Variants in HS3ST4 observed in about 807,000 individuals in gnomAD.
HS3ST4 encodes heparan sulfate-glucosamine 3-sulfotransferase 4, also known as heparan sulfate glucosamine 3-O-sulfotransferase 4.
HS3ST4 carries 17 observed loss-of-function variants against 29.2 expected under a neutral mutation model. The ratio of observed to expected loss-of-function variants is 0.58; its 90% CI spans 0.40 to 0.87. The LOEUF is 0.87. HS3ST4 is among the 40% of genes least tolerant of loss of function. HS3ST4 has a pLI of 0.00. For missense variants in HS3ST4, 627 were observed against 634.5 expected, an observed-to-expected ratio of 0.99 and a Z score of 0.13; for synonymous variants, 314 against 285.7, an observed-to-expected ratio of 1.10 and a Z score of -1.00.
rs2141806740 is a variant in HS3ST4, at chr16:26,116,355, C to T, written c.735-19257C>T. Reference sequence around the variant, plus strand: ...AAGTGGTGCAATTACGTTGTATTACCATTGCCAAGTTCTGTTGATTCAAAG... The same window carrying T: ...AAGTGGTGCAATTACGTTGTATTACTATTGCCAAGTTCTGTTGATTCAAAG... On this transcript the variant is annotated intron_variant, in intron 1 of 1. Transcript: ENST00000331351. Among the ~76,000 whole-genome samples the T allele has an allele frequency of 2.6e-5, 4 of 152,286 alleles. No homozygotes were observed. The South Asian group carries it at 8.3e-4, about 32-fold the overall frequency.
intron 1 of HS3ST4, among the ~76,000 whole-genome samples, chr16:25,857,949 TTTC>T (rs1262603541): frequency 6.2e-4 from 34 of 54,904 alleles, no homozygotes; most frequent in African/African-American, 3.5e-3. Context: ...TCTTTCTTTC[TTTC>T]TTTCTTTCTT....
chr16:26,063,834 A>G (rs2141772380), intron 1 of HS3ST4, among the ~76,000 whole-genome samples: 1 of 152,286 alleles, frequency 6.6e-6, no homozygotes. Context: ...TGGGCCGGGG[A>G]CACAGAATGT....
At chr16:25,699,026 T>C (rs1454445343) in intron 1 of HS3ST4, among the ~76,000 whole-genome samples, 1 of 152,242 alleles carries the variant, frequency 6.6e-6, no homozygotes, top group African/African-American at 2.4e-5. Context: ...GGTTTTGATT[T>C]GAAATCTTTT....
At chr16:26,109,501 GT>G (rs758845338) in intron 1 of HS3ST4, among the ~76,000 whole-genome samples, 27 of 151,600 alleles carry the variant, frequency 1.8e-4, no homozygotes, top group Non-Finnish European at 3.8e-4. Flanking sequence ...TTCCCTGACA[GT>G]GTATCAAGGA....
At chr16:26,049,181 T>C (rs899813209) in intron 1 of HS3ST4, among the ~76,000 whole-genome samples, 26 of 151,884 alleles carry the variant, frequency 1.7e-4, no homozygotes, top group African/African-American at 6.3e-4. Flanking sequence ...AAAAAGTGAG[T>C]TAAAGAAAAT....
intron 1 of HS3ST4, among the ~76,000 whole-genome samples, chr16:25,830,441 C>T (rs1967283065): frequency 6.6e-6 from 1 of 152,172 alleles, no homozygotes; most frequent in Non-Finnish European, 1.5e-5. Flanking sequence ...AGGTTCTCTC[C>T]TCTGCAGGGG....
intron 1 of HS3ST4, among the ~76,000 whole-genome samples, chr16:25,858,329 A>G (rs1456121554): frequency 6.6e-6 from 1 of 152,192 alleles, no homozygotes; most frequent in African/African-American, 2.4e-5. Flanking sequence ...ATCAGAATAC[A>G]CATGCATGTA....
Position 26,136,205 on chromosome 16 carries a change from C to T in HS3ST4, c.1328C>T (p.Thr443Ile). The stretch of plus-strand genomic sequence containing the variant: ...TTCAACTTGATGTTTTACCAAATGA[C>T]TGGTCAAGATTTTCAGTGGGAACAG... Reference protein sequence around the residue: ...KPFNLMFYQMTGQDFQWEQEE... With the variant: ...KPFNLMFYQMIGQDFQWEQEE... Residue 443 changes from threonine to isoleucine, a missense_variant, in exon 2 of 2, where the codon ACT (threonine) becomes ATT (isoleucine). Thr to Ile is a moderately conservative substitution (Grantham distance 89, BLOSUM62 -1). This residue lies in a region of HS3ST4 where 225 missense variants were observed against 293.7 expected (regional missense o/e 0.77). Transcript: ENST00000331351. 2 of 1,613,290 alleles carry T rather than the reference C, an allele frequency of 1.2e-6. No homozygotes were observed. Among genetic ancestry groups the T allele is most frequent in the Non-Finnish European group, 1.7e-6 (2 of 1,179,680 alleles).
At chr16:25,994,461 T>C (rs1275133313) in intron 1 of HS3ST4, among the ~76,000 whole-genome samples, 1 of 152,182 alleles carries the variant, frequency 6.6e-6, no homozygotes, top group Non-Finnish European at 1.5e-5. Flanking sequence ...GAGCACATAA[T>C]ATATACTGTT....
intron 1 of HS3ST4, among the ~76,000 whole-genome samples, chr16:25,955,969 C>T (rs1324622837): frequency 2.6e-5 from 4 of 151,998 alleles, no homozygotes; most frequent in African/African-American, 9.7e-5. Context: ...TGCCTACCAC[C>T]ATGCCTGGCT....
chr16:25,800,893 T>C (rs758554729), intron 1 of HS3ST4, among the ~76,000 whole-genome samples: 2 of 152,158 alleles, frequency 1.3e-5, no homozygotes, highest in Admixed American at 6.6e-5. Flanking sequence ...TCACCAGACA[T>C]TGAATTTGCT....
At chr16:25,840,273 A>G (rs1967400023) in intron 1 of HS3ST4, among the ~76,000 whole-genome samples, 1 of 152,234 alleles carries the variant, frequency 6.6e-6, no homozygotes, top group African/African-American at 2.4e-5. Context: ...TGTTGCAAAC[A>G]GCTGACAGAG....
intron 1 of HS3ST4, among the ~76,000 whole-genome samples, chr16:25,818,148 A>G (rs1967113895): frequency 6.6e-6 from 1 of 152,228 alleles, no homozygotes. Context: ...CAAATGTTCT[A>G]TGCTATGGGC....
chr16:25,879,322 A>T (rs1967869397), intron 1 of HS3ST4, among the ~76,000 whole-genome samples: 1 of 152,182 alleles, frequency 6.6e-6, no homozygotes, highest in South Asian at 2.1e-4. Flanking sequence ...CCACTGTATT[A>T]GTCCGTTTTC....
intron 1 of HS3ST4, among the ~76,000 whole-genome samples, chr16:25,967,276 C>A (rs1350974827): frequency 6.6e-6 from 1 of 152,194 alleles, no homozygotes; most frequent in Non-Finnish European, 1.5e-5. Flanking sequence ...GCCTCAGTCT[C>A]CCCAGTAGCT....
At chr16:25,828,396 A>G (rs546335848) in intron 1 of HS3ST4, among the ~76,000 whole-genome samples, 1 of 139,972 alleles carries the variant, frequency 7.1e-6, no homozygotes, top group Admixed American at 7.6e-5. Context: ...CCTGGAGTGC[A>G]GTGTCATGAT....
At position 26,050,324 on chromosome 16, in the gene HS3ST4, A is replaced by G. The variant is rs1898326352; in HGVS notation, c.735-85288A>G. On this transcript the variant is annotated intron_variant, in intron 1 of 1. Transcript: ENST00000331351. ...TCTCTCTCTCTCTTTCTATATATAT[A>G]TGTATGTATTTTTTTACAATGTCAC... 2.6e-5 allele frequency among the ~76,000 whole-genome samples: 4 copies of G among 152,026 alleles called. No individual in the cohort carries two copies. In the South Asian group the frequency reaches 6.2e-4, roughly 24 times the overall value.
chr16:25,804,167 G>A (rs1675322889), intron 1 of HS3ST4, among the ~76,000 whole-genome samples: 1 of 152,166 alleles, frequency 6.6e-6, no homozygotes, highest in Non-Finnish European at 1.5e-5. Context: ...AGTGCTAGGT[G>A]TAGTCATGTT....
At position 26,135,897 on chromosome 16, in the gene HS3ST4, G is replaced by A; in HGVS notation, c.1020G>A (p.Leu340=). ...GAATAGGGATCTATGCGCTGCATCT[G>A]GAAAACTGGCTCCAGTATTTCCCCC... The part of the protein sequence containing the change: ...AIRIGIYALH[L]ENWLQYFPLS... Residue 340 remains leucine (L), a synonymous_variant, in exon 2 of 2, where the codon CTG becomes CTA. Transcript: ENST00000331351. 6.2e-7 allele frequency: 1 copy of A among 1,613,938 alleles called. No homozygotes were observed. Among genetic ancestry groups the A allele is most frequent in the Middle Eastern group, 1.6e-4 (1 of 6,062 alleles).
Sources: gnomAD v4.1 joint callset for allele counts (sites outside exome capture counted in the v4.1 genomes callset) on GRCh38, gnomAD v4.1.1 for gene constraint, gnomAD v4.1.1 regional missense constraint, MANE v1.5 for transcripts, NCBI Gene and HGNC (gene_info 2026-07-23, HGNC 2026-07-21) for gene names.